Variants in PCDH17 observed in about 807,000 individuals in gnomAD.
PCDH17 encodes protocadherin 17.
PCDH17 carries 21 observed loss-of-function variants against 67.7 expected under a neutral mutation model. The ratio of observed to expected loss-of-function variants is 0.31; its 90% CI spans 0.22 to 0.45. PCDH17 has a LOEUF of 0.45. PCDH17 is among the 20% of genes least tolerant of loss of function. PCDH17 has a pLI of 1.00. For missense variants in PCDH17, 1,471 were observed against 1,564.8 expected (o/e 0.94, Z 1.01); for synonymous variants, 701 against 656.7 (o/e 1.07, Z -1.03).
intron 1 of PCDH17, among the ~76,000 whole-genome samples, chr13:57,657,981 A>G (rs1359764152): frequency 1.3e-5 from 2 of 152,198 alleles, no homozygotes; most frequent in African/African-American, 4.8e-5. Flanking sequence ...CAATTATTCT[A>G]GATTAATACA....
rs9597596 is a variant in PCDH17 at position 57,725,549 on chromosome 13, G to A, written c.*255G>A. 106,600 of 380,232 alleles carry A rather than the reference G, an allele frequency of 0.28. 16,317 individuals carry two copies. The highest frequency in any genetic ancestry group is 0.49 in the East Asian group (11,218 of 22,842). 23.6% of individuals were successfully genotyped at this position (380,232 alleles called of 1,614,324 possible). On this transcript the variant is annotated 3_prime_UTR_variant, in exon 4 of 4. Transcript: ENST00000377918. ...GATGCTTAAAGAGAAAAGAAAAAAA[G>A]AGAGAAGAAAAAGGAGAGATGAAAA...
intron 3 of PCDH17, among the ~76,000 whole-genome samples, chr13:57,670,101 A>T (rs1955301624): frequency 2.6e-5 from 4 of 152,034 alleles, no homozygotes; most frequent in South Asian, 4.1e-4. Flanking sequence ...ATAGAAATTT[A>T]AAAAATACAT....
Position 57,633,928 on chromosome 13 carries a change from A to T in PCDH17, c.1382A>T (p.Lys461Met). 6.2e-7 allele frequency: 1 copy of T among 1,613,460 alleles called. No homozygotes were observed. The highest frequency in any genetic ancestry group is 1.7e-5 in the Admixed American group (1 of 60,030). The change falls in exon 1 of 4, where the codon AAG (lysine) becomes ATG (methionine). Residue 461 changes from lysine to methionine, a missense_variant. Lys to Met is a moderately conservative substitution (Grantham distance 95). Coordinates refer to ENST00000377918, the MANE Select transcript of PCDH17 (RefSeq NM_001040429.3). The surrounding 1 kb of genome is among the most constrained non-coding windows in gnomAD (Gnocchi z 6.2). ...PLNSTKSFAI[K>M]ILDENDNPPR... ...AACTCCACCAAGTCGTTCGCGATCAAGATTCTAGACGAGAACGACAACCCG... is the reference window on the plus strand; with the variant it reads ...AACTCCACCAAGTCGTTCGCGATCATGATTCTAGACGAGAACGACAACCCG...
At chr13:57,665,747 G>C (rs1215466042) in intron 1 of PCDH17, among the ~76,000 whole-genome samples, 2 of 152,154 alleles carry the variant, frequency 1.3e-5, no homozygotes, top group Non-Finnish European at 2.9e-5. Context: ...TTTGGAAGCA[G>C]TAAAAACAAC....
In PCDH17 at chr13:57,633,632, C is replaced by T. The variant is rs781782559; in HGVS notation, c.1086C>T (p.Ser362=). 1.2e-6 allele frequency: 2 copies of T among 1,609,714 alleles called. No individual in the cohort carries two copies. The highest frequency in any genetic ancestry group is 8.5e-7 in the Non-Finnish European group (1 of 1,180,000). The change falls in exon 1 of 4, where the codon AGC becomes AGT. Residue 362 remains serine (S), a synonymous_variant. Coordinates refer to ENST00000377918, the MANE Select transcript of PCDH17 (RefSeq NM_001040429.3). The surrounding 1 kb of genome is among the most constrained non-coding windows in gnomAD (Gnocchi z 6.2). ...TCTCCGTGCGCCAGGGGGCGCTGAG[C>T]GAGGCCGCCCCTCCCGGCACCGTCA... ...GFVSVRQGAL[S]EAAPPGTVIA...
chr13:57,711,123 G>C (rs547013053), intron 3 of PCDH17, among the ~76,000 whole-genome samples: 1 of 152,038 alleles, frequency 6.6e-6, no homozygotes, highest in Non-Finnish European at 1.5e-5. Context: ...AAATTCAAGG[G>C]TATCATTTAT....
chr13:57,688,649 A>G, intron 3 of PCDH17, among the ~76,000 whole-genome samples: 1 of 152,104 alleles, frequency 6.6e-6, no homozygotes, highest in East Asian at 1.9e-4. Flanking sequence ...ACTTGACTGT[A>G]TCATCAAATG....
intron 1 of PCDH17, among the ~76,000 whole-genome samples, chr13:57,643,109 C>G (rs1288804855): frequency 6.6e-6 from 1 of 151,428 alleles, no homozygotes; most frequent in Non-Finnish European, 1.5e-5. Context: ...TATTTTTTCA[C>G]GGCGACATAG....
upstream of PCDH17, among the ~76,000 whole-genome samples, chr13:57,630,743 T>C (rs1954708564): frequency 6.6e-6 from 1 of 152,192 alleles, no homozygotes; most frequent in Non-Finnish European, 1.5e-5. Flanking sequence ...AATCTGGTTT[T>C]TCTTTCTATA....
At chr13:57,684,195 AAAAACT>A (rs1955485613) in intron 3 of PCDH17, among the ~76,000 whole-genome samples, 1 of 151,900 alleles carries the variant, frequency 6.6e-6, no homozygotes, top group Non-Finnish European at 1.5e-5. Context: ...TGAGATTTTT[AAAAACT>A]AAGCTACATA....
At position 57,728,455 on chromosome 13, in the gene PCDH17, A is replaced by C. The variant is rs1038836205; in HGVS notation, c.*3161A>C. On this transcript the variant is annotated 3_prime_UTR_variant, in exon 4 of 4. Coordinates refer to ENST00000377918, the MANE Select transcript of PCDH17 (RefSeq NM_001040429.3). ...TAACTGAAGTTAAGCACAGAAAAAAAAATCACTTCATGGAAATTTCAGTAA... is the reference window on the plus strand; with the variant it reads ...TAACTGAAGTTAAGCACAGAAAAAACAATCACTTCATGGAAATTTCAGTAA... 4.6e-5 allele frequency: 7 copies of C among 151,832 alleles called. No individual in the cohort carries two copies. Among genetic ancestry groups the C allele is most frequent in the African/African-American group, 7.3e-5 (3 of 41,362 alleles). 9.4% of individuals were successfully genotyped at this position (151,832 alleles called of 1,614,324 possible). A position where few individuals can be genotyped will look rare whatever the true frequency, so the allele number is the denominator to read the frequency against.
intron 1 of PCDH17, among the ~76,000 whole-genome samples, chr13:57,661,530 G>T (rs1955183699): frequency 6.6e-6 from 1 of 152,006 alleles, no homozygotes; most frequent in Non-Finnish European, 1.5e-5. Flanking sequence ...ACTGTGTAGT[G>T]CCCTTTCACA....
rs1220030955 is a variant in PCDH17 at position 57,693,966 on chromosome 13, G to GT, written c.2797+27145dup. ...ACATAAATCCAGCATTCAGTCAAGT[G>GT]TTTTTTTTTTTTCTTTTTTGAGGTA... On this transcript the variant is annotated intron_variant, in intron 3 of 3. Transcript: ENST00000377918. Among the ~76,000 whole-genome samples the GT allele has an allele frequency of 3.6e-3, 508 of 141,222 alleles. 4 individuals carry two copies. The East Asian group carries it at 0.038, about 11-fold the overall frequency. 92.6% of individuals were successfully genotyped at this position (141,222 alleles called of 152,430 possible). A position where few individuals can be genotyped will look rare whatever the true frequency, so the allele number is the denominator to read the frequency against.
At chr13:57,703,066 A>G (rs1474027550) in intron 3 of PCDH17, among the ~76,000 whole-genome samples, 1 of 152,142 alleles carries the variant, frequency 6.6e-6, no homozygotes, top group Non-Finnish European at 1.5e-5. Context: ...TTCACAAATG[A>G]TGGAGTTAAC....
At chr13:57,661,389 T>A (rs1955181983) in intron 1 of PCDH17, among the ~76,000 whole-genome samples, 1 of 152,156 alleles carries the variant, frequency 6.6e-6, no homozygotes, top group Non-Finnish European at 1.5e-5. Context: ...GCATGCAACA[T>A]TATAGATGTT....
At chr13:57,636,262 C>G (rs1954821510) in intron 1 of PCDH17, among the ~76,000 whole-genome samples, 1 of 152,032 alleles carries the variant, frequency 6.6e-6, no homozygotes, top group Non-Finnish European at 1.5e-5. Flanking sequence ...ATGTGGAATT[C>G]AAAATTGAGC....
intron 1 of PCDH17, among the ~76,000 whole-genome samples, chr13:57,663,862 A>G (rs941407691): frequency 1.3e-4 from 20 of 150,918 alleles, no homozygotes; most frequent in African/African-American, 4.9e-4. Context: ...TCTCTCTCCC[A>G]CTTTCTTTCT....
At position 57,633,039 on chromosome 13, in the gene PCDH17, G is replaced by A; in HGVS notation, c.493G>A (p.Gly165Arg). Residue 165 changes from glycine to arginine, a missense_variant, in exon 1 of 4, where the codon GGG (glycine) becomes AGG (arginine). Gly to Arg is a moderately radical substitution (Grantham distance 125, BLOSUM62 -2). This residue lies in a region of PCDH17 where 1,163 missense variants were observed against 1,230.0 expected (regional missense o/e 0.95). Transcript: ENST00000377918. The surrounding 1 kb of genome is among the most constrained non-coding windows in gnomAD (Gnocchi z 6.2). ...SAHDPDAGEN[G>R]LRTYLLTRDD... ...ACATGACCCCGACGCCGGCGAGAATGGGCTCCGCACCTACCTGCTCACGCG... is the reference window on the plus strand; with the variant it reads ...ACATGACCCCGACGCCGGCGAGAATAGGCTCCGCACCTACCTGCTCACGCG... The A allele has an allele frequency of 6.2e-7, 1 of 1,612,854 alleles. No homozygotes were observed. The highest frequency in any genetic ancestry group is 1.7e-5 in the Admixed American group (1 of 60,006).
Position 57,634,216 on chromosome 13 carries a change from C to G in PCDH17, c.1670C>G (p.Ser557Trp). Reference protein sequence around the residue: ...AFEFKVLAKDSGAPAHLESNA... With the variant: ...AFEFKVLAKDWGAPAHLESNA... ...GAGTTCAAGGTGCTTGCTAAGGACTCGGGGGCGCCCGCGCACTTGGAGAGC... is the reference window on the plus strand; with the variant it reads ...GAGTTCAAGGTGCTTGCTAAGGACTGGGGGGCGCCCGCGCACTTGGAGAGC... The change falls in exon 1 of 4, where the codon TCG (serine) becomes TGG (tryptophan). Residue 557 changes from serine (S) to tryptophan (W), a missense_variant. This residue lies in a region of PCDH17 where 1,163 missense variants were observed against 1,230.0 expected (regional missense o/e 0.95). Coordinates refer to ENST00000377918, the MANE Select transcript of PCDH17 (RefSeq NM_001040429.3). The surrounding 1 kb of genome is among the most constrained non-coding windows in gnomAD (Gnocchi z 7.8). 6.2e-7 allele frequency: 1 copy of G among 1,613,346 alleles called. No individual in the cohort carries two copies. Among genetic ancestry groups the G allele is most frequent in the South Asian group, 1.1e-5 (1 of 91,076 alleles).
Sources: gnomAD v4.1 joint callset for allele counts (sites outside exome capture counted in the v4.1 genomes callset) on GRCh38, gnomAD v4.1.1 for gene constraint, gnomAD v4.1.1 regional missense constraint, Gnocchi (gnomAD v3.1) non-coding constraint, MANE v1.5 for transcripts, NCBI Gene and HGNC (gene_info 2026-07-23, HGNC 2026-07-21) for gene names.